Variants in STXBP4 observed in about 807,000 individuals in gnomAD.
STXBP4 encodes syntaxin-binding protein 4.
Under a neutral mutation model 76.1 loss-of-function variants are expected in STXBP4, and 55 were observed. The observed-to-expected ratio is 0.72, with a 90% CI of 0.58 to 0.91. STXBP4 has a LOEUF of 0.91. STXBP4 is among the 40% of genes least tolerant of loss of function. The pLI is 0.00. For synonymous variants in STXBP4, 201 were observed against 220.2 expected, an observed-to-expected ratio of 0.91 and a Z score of 0.77; for missense variants, 618 against 636.9, an observed-to-expected ratio of 0.97 and a Z score of 0.32.
intron 16 of STXBP4, among the ~76,000 whole-genome samples, chr17:55,114,218 A>G (rs934330261): frequency 2.0e-5 from 3 of 152,018 alleles, no homozygotes; most frequent in Non-Finnish European, 4.4e-5. Context: ...TTGTTTACAA[A>G]TATAATCTGG....
chr17:55,047,029 G>T (rs1445629693), intron 11 of STXBP4, 60 bp from the exon 12 acceptor site: 1 of 977,956 alleles, frequency 1.0e-6, no homozygotes, highest in Admixed American at 1.9e-5. Flanking sequence ...AAGGGACTAA[G>T]AAGTCACACT....
chr17:54,996,115 T>C (rs2077797854), intron 4 of STXBP4, among the ~76,000 whole-genome samples: 1 of 151,724 alleles, frequency 6.6e-6, no homozygotes, highest in African/African-American at 2.4e-5. Context: ...AAAGTGCTTT[T>C]TGAGCAAAAA....
rs553838357 is a variant in STXBP4, at chr17:55,170,540, G to A, written c.*10629G>A. On this transcript the variant is annotated 3_prime_UTR_variant, in exon 18 of 18. Transcript: ENST00000376352. The stretch of plus-strand genomic sequence containing the variant: ...GTCCTTTATAAGAAAAAATGCTAAT[G>A]ATTTATTGTGTATGAAAAAAGTGTA... 2 of 152,198 alleles carry A rather than the reference G, an allele frequency of 1.3e-5. No homozygotes were observed. Among genetic ancestry groups the A allele is most frequent in the African/African-American group, 4.8e-5 (2 of 41,534 alleles). 9.4% of individuals were successfully genotyped at this position (152,198 alleles called of 1,614,324 possible).
intron 7 of STXBP4, among the ~76,000 whole-genome samples, chr17:55,006,946 TTAA>T (rs2144537946): frequency 6.6e-6 from 1 of 152,262 alleles, no homozygotes; most frequent in African/African-American, 2.4e-5. Flanking sequence ...GTCTTTTAAG[TTAA>T]TATATCTGTG....
chr17:55,111,738 A>C (rs2079720500), intron 16 of STXBP4, among the ~76,000 whole-genome samples: 1 of 152,198 alleles, frequency 6.6e-6, no homozygotes, highest in Admixed American at 6.5e-5. Context: ...TATAGCCTAC[A>C]GAATCATGAG....
chr17:54,984,360 T>TA (rs2077594981), intron 1 of STXBP4, among the ~76,000 whole-genome samples: 1 of 132,394 alleles, frequency 7.6e-6, no homozygotes. Context: ...TTTTTTTTTT[T>TA]GAGACGGAGT....
chr17:55,174,288 G>T (rs2080420764), downstream of STXBP4, among the ~76,000 whole-genome samples: 1 of 152,198 alleles, frequency 6.6e-6, no homozygotes, highest in Non-Finnish European at 1.5e-5. Context: ...AATGGCTGTA[G>T]CATTTAATAT....
At position 55,121,376 on chromosome 17, in the gene STXBP4, A is replaced by T. The variant is rs539855015; in HGVS notation, c.1490-19934A>T. Among the ~76,000 whole-genome samples, 14 of 152,260 alleles carry T rather than the reference A, an allele frequency of 9.2e-5. No homozygotes were observed. The South Asian group carries it at 2.7e-3, about 29-fold the overall frequency. On this transcript the variant is annotated intron_variant, in intron 16 of 17. Coordinates refer to ENST00000376352, the MANE Select transcript of STXBP4 (RefSeq NM_178509.6). ...GGTTGGGGTGAATGGGAGATAAAGG[A>T]AAACTGTCATAATTGAAAAACACAC...
intron 16 of STXBP4, among the ~76,000 whole-genome samples, chr17:55,120,546 A>G (rs2145088306): frequency 6.6e-6 from 1 of 152,356 alleles, no homozygotes; most frequent in South Asian, 2.1e-4. Flanking sequence ...GTGAGCAAGT[A>G]TCTTGGACAA....
At chr17:55,058,209 A>G (rs1036923916) in intron 12 of STXBP4, among the ~76,000 whole-genome samples, 1 of 152,168 alleles carries the variant, frequency 6.6e-6, no homozygotes, top group Admixed American at 6.6e-5. Context: ...CATCCTCTCC[A>G]GCATCTGTGT....
intron 16 of STXBP4, among the ~76,000 whole-genome samples, chr17:55,135,321 G>T (rs868708078): frequency 5.3e-5 from 8 of 151,972 alleles, no homozygotes; most frequent in Non-Finnish European, 1.2e-4. Flanking sequence ...TTAAATTTGG[G>T]ATGCACAAAA....
intron 1 of STXBP4, among the ~76,000 whole-genome samples, chr17:54,984,639 G>A (rs944156429): frequency 3.9e-5 from 6 of 151,966 alleles, no homozygotes; most frequent in African/African-American, 1.5e-4. Flanking sequence ...CACCGCACCC[G>A]GCCAGTTTCT....
At chr17:55,076,058 A>G (rs961574354) in intron 13 of STXBP4, among the ~76,000 whole-genome samples, 1 of 151,934 alleles carries the variant, frequency 6.6e-6, no homozygotes, top group South Asian at 2.1e-4. Context: ...ATGTATAGTG[A>G]TTCTTCTGGT....
rs568861159 is a variant in STXBP4, at chr17:55,007,655, C to T, written c.666+58C>T. The T allele has an allele frequency of 1.5e-5, 21 of 1,358,548 alleles. No individual in the cohort carries two copies. The Admixed American group carries it at 1.8e-4, about 11-fold the overall frequency. The allele number at this position is 1,358,548 out of a possible 1,614,324, so 84.2% of individuals were successfully genotyped here. On this transcript the variant is annotated intron_variant, in intron 8 of 17. Coordinates refer to ENST00000376352, the MANE Select transcript of STXBP4 (RefSeq NM_178509.6). ...AAGACAAAAACAGGAAAGAAGTATTCTCCTTCTTTGAGAGGATAAAGTACT... is the reference window on the plus strand; with the variant it reads ...AAGACAAAAACAGGAAAGAAGTATTTTCCTTCTTTGAGAGGATAAAGTACT...
intron 10 of STXBP4, among the ~76,000 whole-genome samples, chr17:55,036,616 T>G (rs1335590308): frequency 6.6e-6 from 1 of 151,902 alleles, no homozygotes; most frequent in Non-Finnish European, 1.5e-5. Context: ...TATTAACTTA[T>G]ATATTTCTTT....
intron 17 of STXBP4, among the ~76,000 whole-genome samples, chr17:55,147,741 G>C (rs934992014): frequency 7.2e-5 from 11 of 152,322 alleles, no homozygotes; most frequent in African/African-American, 2.6e-4. Context: ...AAAAGTTTCT[G>C]TGTAGAACAG....
the STXBP4 span, among the ~76,000 whole-genome samples, chr17:55,206,185 TTACA>T: frequency 3.3e-5 from 5 of 152,128 alleles, no homozygotes; most frequent in Non-Finnish European, 5.9e-5. Flanking sequence ...TTGTGAATTA[TTACA>T]TATATATATT....
In STXBP4 at chr17:55,015,309, A is replaced by G. The variant is rs192522920; in HGVS notation, c.666+7712A>G. Among the ~76,000 whole-genome samples, 375 of 152,298 alleles carry G rather than the reference A, an allele frequency of 2.5e-3. 4 individuals are homozygous for G. In the South Asian group the frequency reaches 0.027, roughly 11 times the overall value. ...CTCCATGTTCTGATTCTGTGTCCCA[A>G]TGAGGGTCTACACTGGGAACTGCCT... On this transcript the variant is annotated intron_variant, in intron 8 of 17. Coordinates refer to ENST00000376352, the MANE Select transcript of STXBP4 (RefSeq NM_178509.6).
At chr17:55,072,081 T>C (rs956024765) in intron 12 of STXBP4, among the ~76,000 whole-genome samples, 1 of 152,146 alleles carries the variant, frequency 6.6e-6, no homozygotes, top group Admixed American at 6.6e-5. Flanking sequence ...TATACCTGTA[T>C]GGGGTTTTTT....
Sources: allele counts gnomAD v4.1 joint callset (sites outside exome capture counted in the v4.1 genomes callset), GRCh38; gene constraint gnomAD v4.1.1; transcripts MANE v1.5; gene names NCBI Gene and HGNC (gene_info 2026-07-23, HGNC 2026-07-21).